Variants in PLCL1 observed in about 807,000 individuals in gnomAD.
The protein encoded by PLCL1 is inactive phospholipase C-like protein 1.
In PLCL1, 41 loss-of-function variants were observed where a neutral mutation model predicts 84.4. The ratio of observed to expected loss-of-function variants is 0.49; its 90% CI spans 0.38 to 0.63. The LOEUF is 0.63. PLCL1 is among the 30% of genes least tolerant of loss of function. PLCL1 has a pLI of 0.00. For missense variants in PLCL1, 1,206 were observed against 1,367.8 expected (o/e 0.88, Z 1.87); for synonymous variants, 490 against 488.3 (o/e 1.00, Z -0.05).
chr2:198,108,712 G>A (rs906520821), intron 5 of PLCL1, among the ~76,000 whole-genome samples: 4 of 151,932 alleles, frequency 2.6e-5, no homozygotes, highest in African/African-American at 9.7e-5. Flanking sequence ...TATTTAGCAA[G>A]GAAACTGAAA....
intron 5 of PLCL1, 40 bp from the exon 6 acceptor site, chr2:198,146,740 A>G (rs769886801): frequency 3.2e-6 from 5 of 1,568,346 alleles, no homozygotes; most frequent in African/African-American, 1.3e-5. Context: ...TGCCTGGCCC[A>G]TAACTGTCTT....
chr2:197,960,152 T>C (rs188602374), intron 1 of PLCL1, among the ~76,000 whole-genome samples: 70 of 152,210 alleles, frequency 4.6e-4, no homozygotes, highest in Admixed American at 1.0e-3. Flanking sequence ...ATAAAAAACA[T>C]GCTTTTATAT....
At chr2:198,074,888 T>C (rs773846445) in intron 1 of PLCL1, among the ~76,000 whole-genome samples, 1 of 152,236 alleles carries the variant, frequency 6.6e-6, no homozygotes, top group Non-Finnish European at 1.5e-5. Flanking sequence ...AAGGCCTACC[T>C]AATTACATAT....
intron 1 of PLCL1, among the ~76,000 whole-genome samples, chr2:197,836,446 C>CAAAAAAA (rs35510400): frequency 8.7e-5 from 3 of 34,540 alleles, no homozygotes; most frequent in Non-Finnish European, 1.6e-4. Flanking sequence ...GACTCCGTCT[C>CAAAAAAA]AAAAAAAAAA....
intron 1 of PLCL1, among the ~76,000 whole-genome samples, chr2:197,971,801 C>T (rs1689873419): frequency 6.6e-6 from 1 of 152,150 alleles, no homozygotes; most frequent in South Asian, 2.1e-4. Context: ...CATCTGTATA[C>T]TCAGCAAATA....
At chr2:198,014,940 C>A (rs1182445259) in intron 1 of PLCL1, among the ~76,000 whole-genome samples, 1 of 152,052 alleles carries the variant, frequency 6.6e-6, no homozygotes, top group African/African-American at 2.4e-5. Context: ...GAGCCTCATG[C>A]AATTTTGTAT....
At chr2:197,956,262 T>C (rs953865899) in intron 1 of PLCL1, among the ~76,000 whole-genome samples, 2 of 152,134 alleles carry the variant, frequency 1.3e-5, no homozygotes, top group Non-Finnish European at 2.9e-5. Context: ...GCTTTGTAAA[T>C]AGTGCTTCAG....
intron 1 of PLCL1, among the ~76,000 whole-genome samples, chr2:197,826,075 C>A (rs78195751): frequency 6.6e-6 from 1 of 152,158 alleles, no homozygotes; most frequent in East Asian, 1.9e-4. Context: ...ATTTCCTTCT[C>A]GGAGGCTTTT....
intron 1 of PLCL1, among the ~76,000 whole-genome samples, chr2:197,825,800 C>T (rs1281146919): frequency 6.6e-6 from 1 of 152,212 alleles, no homozygotes; most frequent in African/African-American, 2.4e-5. Context: ...TTTCCTGAGC[C>T]TCAGTTTCTT....
intron 1 of PLCL1, among the ~76,000 whole-genome samples, chr2:197,927,794 T>C (rs1249141104): frequency 2.0e-5 from 3 of 152,150 alleles, no homozygotes; most frequent in Non-Finnish European, 4.4e-5. Flanking sequence ...AGTGTCAAAA[T>C]CTATGTTTAT....
chr2:197,838,143 A>G (rs142249425), intron 1 of PLCL1, among the ~76,000 whole-genome samples: 1 of 152,300 alleles, frequency 6.6e-6, no homozygotes, highest in African/African-American at 2.4e-5. Flanking sequence ...TTTCTCAGGA[A>G]GCTCTCGCCT....
intron 1 of PLCL1, among the ~76,000 whole-genome samples, chr2:197,970,590 A>T (rs978849347): frequency 2.0e-5 from 3 of 152,172 alleles, no homozygotes; most frequent in Non-Finnish European, 4.4e-5. Context: ...AATATTTTGG[A>T]TATATTAGGT....
chr2:197,837,034 G>A (rs1284766596), intron 1 of PLCL1, among the ~76,000 whole-genome samples: 1 of 152,010 alleles, frequency 6.6e-6, no homozygotes. Flanking sequence ...TTAAGTATCA[G>A]TTTTTGTGAG....
chr2:197,889,221 ATTT>A (rs1553499945), intron 1 of PLCL1, among the ~76,000 whole-genome samples: 2 of 152,102 alleles, frequency 1.3e-5, no homozygotes, highest in Non-Finnish European at 2.9e-5. Context: ...AAGGGAAGAA[ATTT>A]TCTGTCTCCT....
chr2:197,879,076 T>TGTGC, intron 1 of PLCL1, among the ~76,000 whole-genome samples: 1 of 152,354 alleles, frequency 6.6e-6, no homozygotes, highest in Non-Finnish European at 1.5e-5. Flanking sequence ...CTGCAGTTCC[T>TGTGC]TCCATGACTT....
intron 1 of PLCL1, among the ~76,000 whole-genome samples, chr2:198,061,508 A>G (rs1020745458): frequency 2.0e-5 from 3 of 152,132 alleles, no homozygotes; most frequent in African/African-American, 7.2e-5. Flanking sequence ...GGGGAACTAG[A>G]GAAGCTGGCT....
chr2:198,141,182 T>C (rs1694377200), intron 5 of PLCL1, among the ~76,000 whole-genome samples: 1 of 152,198 alleles, frequency 6.6e-6, no homozygotes, highest in African/African-American at 2.4e-5. Context: ...AAAATTTAAC[T>C]TTTTAAATAG....
At chr2:198,059,336 CATT>C (rs1270161193) in intron 1 of PLCL1, among the ~76,000 whole-genome samples, 2 of 152,116 alleles carry the variant, frequency 1.3e-5, no homozygotes, top group Non-Finnish European at 2.9e-5. Context: ...TGATGTATCT[CATT>C]ATTAAAAAAT....
chr2:198,010,102 C>G (rs1559072783), intron 1 of PLCL1, among the ~76,000 whole-genome samples: 1 of 151,938 alleles, frequency 6.6e-6, no homozygotes, highest in South Asian at 2.1e-4. Flanking sequence ...AAGACCATGT[C>G]ATTTGTGAGC....
Sources: gnomAD v4.1 joint callset for allele counts (sites outside exome capture counted in the v4.1 genomes callset) on GRCh38, gnomAD v4.1.1 for gene constraint, MANE v1.5 for transcripts, NCBI Gene and HGNC (gene_info 2026-07-23, HGNC 2026-07-21) for gene names.